ZNF426: variants seen among roughly 807,000 people sequenced by gnomAD.
ZNF426 encodes zinc finger protein 426.
In ZNF426, 23 loss-of-function variants were observed where a neutral mutation model predicts 24.0. That is an observed-to-expected ratio of 0.96 (90% CI 0.69 to 1.36). The LOEUF is 1.36. Ranked by LOEUF, ZNF426 falls within the 40% of genes most tolerant of loss-of-function variation. The pLI, the probability that ZNF426 is intolerant of heterozygous loss-of-function variation, is 0.00. For synonymous variants in ZNF426, 272 were observed against 224.6 expected (o/e 1.21, Z -1.89); for missense variants, 646 against 658.4 (o/e 0.98, Z 0.21).
In ZNF426 at chr19:9,527,235, ATT is replaced by A. The variant is rs2073803544; in HGVS notation, c.*1143_*1144del. 1.3e-5 allele frequency: 2 copies of A among 152,156 alleles called. No individual in the cohort carries two copies. Among genetic ancestry groups the A allele is most frequent in the Non-Finnish European group, 2.9e-5 (2 of 68,024 alleles). 9.4% of individuals were successfully genotyped at this position (152,156 alleles called of 1,614,324 possible). ...ACATGTGTAAAAAAAATTCTGTGGA[ATT>A]AATGTAAGGCTTCCTACATGCATTA... On this transcript the variant is annotated 3_prime_UTR_variant, in exon 8 of 8. Coordinates refer to ENST00000253115, the MANE Select transcript of ZNF426 (RefSeq NM_024106.3).
intron 6 of ZNF426, among the ~76,000 whole-genome samples, chr19:9,531,571 A>C (rs2073884275): frequency 6.6e-6 from 1 of 152,214 alleles, no homozygotes; most frequent in African/African-American, 2.4e-5. Context: ...AGACAAGGAC[A>C]TGGGGTAAAA....
intron 2 of ZNF426, among the ~76,000 whole-genome samples, chr19:9,536,917 G>A (rs2073974534): frequency 6.6e-6 from 1 of 152,120 alleles, no homozygotes. Flanking sequence ...AGAAGATCAT[G>A]AGGTCAGGAG....
At position 9,526,894 on chromosome 19, in the gene ZNF426, C is replaced by G. The variant is rs1019140358; in HGVS notation, c.*1486G>C. ...TATAAGAATTACATCCAACTTTGAG[C>G]ATAGAAGGAAGAAGTGAAGGTAAAA... On this transcript the variant is annotated 3_prime_UTR_variant, in exon 8 of 8. Transcript: ENST00000253115. The G allele has an allele frequency of 2.0e-5, 3 of 151,956 alleles. No homozygotes were observed. Among genetic ancestry groups the G allele is most frequent in the African/African-American group, 7.3e-5 (3 of 41,346 alleles). The allele number at this position is 151,956 out of a possible 1,614,324, so 9.4% of individuals were successfully genotyped here.
Position 9,536,209 on chromosome 19 carries a change from A to G in ZNF426, c.24T>C (p.His8=). The G allele has an allele frequency of 6.2e-7, 1 of 1,614,184 alleles. No homozygotes were observed. Among genetic ancestry groups the G allele is most frequent in the Non-Finnish European group, 8.5e-7 (1 of 1,180,040 alleles). MAAADLS[H]GHYLSGDPVC... is the part of the protein sequence containing the mutation. ...CCTAAAAAGAGCAACAGAGCTTACCATGGGACAAATCAGCAGCTGCCATCC... is the reference window on the plus strand; with the variant it reads ...CCTAAAAAGAGCAACAGAGCTTACCGTGGGACAAATCAGCAGCTGCCATCC... Residue 8 remains histidine (H), a splice_region_variant and synonymous_variant, in exon 3 of 8, where the codon CAT becomes CAC. Coordinates refer to ENST00000253115, the MANE Select transcript of ZNF426 (RefSeq NM_024106.3).
intron 7 of ZNF426, 60 bp from the exon 8 acceptor site, chr19:9,529,696 C>A: frequency 1.4e-6 from 2 of 1,463,448 alleles, no homozygotes; most frequent in South Asian, 2.7e-5. Context: ...AGAACATACC[C>A]ATCTGAAGCT....
In ZNF426 at chr19:9,529,502, T is replaced by C. The variant is rs779658333; in HGVS notation, c.543A>G (p.Lys181=). 2 of 1,613,652 alleles carry C rather than the reference T, an allele frequency of 1.2e-6. No individual in the cohort carries two copies. The highest frequency in any genetic ancestry group is 8.5e-7 in the Non-Finnish European group (1 of 1,180,030). The part of the protein sequence containing the change: ...GNTHDCNQYG[K]DFLTLCEKTS... ...TTTTCTCACACAGGGTAAGGAAATC[T>C]TTTCCATACTGATTACAGTCATGAG... Residue 181 remains lysine, a synonymous_variant, in exon 8 of 8, where the codon AAA becomes AAG. Transcript: ENST00000253115.
chr19:9,537,091 C>T (rs1317685386), intron 2 of ZNF426, among the ~76,000 whole-genome samples: 1 of 151,770 alleles, frequency 6.6e-6, no homozygotes, highest in Non-Finnish European at 1.5e-5. Context: ...GATCACACCA[C>T]TGCACTCCAG....
intron 5 of ZNF426, 46 bp downstream of exon 5, chr19:9,533,794 A>C: frequency 1.2e-6 from 2 of 1,611,576 alleles, no homozygotes; most frequent in Non-Finnish European, 1.7e-6. Context: ...TAAGTACAAA[A>C]CATATCAGTT....
intron 3 of ZNF426, 105 bp downstream of exon 3, chr19:9,536,103 C>T: frequency 6.7e-7 from 1 of 1,497,190 alleles, no homozygotes; most frequent in Non-Finnish European, 9.2e-7. Context: ...CCCTCAGCAC[C>T]TCCCAAATGA....
chr19:9,528,520 A>C lies in ZNF426; in HGVS notation c.1525T>G (p.Cys509Gly), dbSNP rs1274871155. ...CTGGAACACGTGAAGGCTTTCCCAC[A>C]CTCCTTGCATTCATAGGGTTTCTCT... ...TGEKPYECKE[C>G]GKAFTCSSSF... The change falls in exon 8 of 8, where the codon TGT becomes GGT. Residue 509 changes from cysteine to glycine, a missense_variant. By Grantham distance (159) the Cys-to-Gly change is radical (BLOSUM62 -3). Coordinates refer to ENST00000253115, the MANE Select transcript of ZNF426 (RefSeq NM_024106.3). The C allele has an allele frequency of 1.9e-6, 3 of 1,613,936 alleles. No individual in the cohort carries two copies. The highest frequency in any genetic ancestry group is 1.7e-5 in the Admixed American group (1 of 59,996).
intron 2 of ZNF426, among the ~76,000 whole-genome samples, chr19:9,537,129 C>CAAA (rs546953266): frequency 7.3e-6 from 1 of 136,056 alleles, no homozygotes; most frequent in East Asian, 2.0e-4. Flanking sequence ...GACTCTGTCT[C>CAAA]AAAAAAAAAA....
rs150533271 is a variant in ZNF426 at position 9,528,249 on chromosome 19, A to G, written c.*131T>C. ...GTGATCCACCCACCTCAGCCTCTCA[A>G]AATGCTGGGATTACAGGAATTAAGT... On this transcript the variant is annotated 3_prime_UTR_variant, in exon 8 of 8. Coordinates refer to ENST00000253115, the MANE Select transcript of ZNF426 (RefSeq NM_024106.3). The G allele has an allele frequency of 1.4e-4, 144 of 1,005,036 alleles. No homozygotes were observed. The African/African-American group carries it at 1.9e-3, about 13-fold the overall frequency. 62.3% of individuals were successfully genotyped at this position (1,005,036 alleles called of 1,614,324 possible).
rs2073794679 is a variant in ZNF426 at position 9,526,641 on chromosome 19, A to T, written c.*1739T>A. On this transcript the variant is annotated 3_prime_UTR_variant, in exon 8 of 8. Transcript: ENST00000253115. ...CTACAAAAGATGTATCCTACATATAAAGGAAATACCAGATGGAAAGAAAAA... is the reference window on the plus strand; with the variant it reads ...CTACAAAAGATGTATCCTACATATATAGGAAATACCAGATGGAAAGAAAAA... 1 of 152,208 alleles carries T rather than the reference A, an allele frequency of 6.6e-6. No homozygotes were observed. The highest frequency in any genetic ancestry group is 1.5e-5 in the Non-Finnish European group (1 of 68,052). The allele number at this position is 152,208 out of a possible 1,614,324, so 9.4% of individuals were successfully genotyped here. A position where few individuals can be genotyped will look rare whatever the true frequency, so the allele number is the denominator to read the frequency against.
chr19:9,533,978 C>T lies in ZNF426; in HGVS notation c.118-12G>A. On this transcript the variant is annotated splice_polypyrimidine_tract_variant and intron_variant, in intron 4 of 7. Coordinates refer to ENST00000253115, the MANE Select transcript of ZNF426 (RefSeq NM_024106.3). The stretch of plus-strand genomic sequence containing the variant: ...AAGGTCACTGAATCCTAAAGCATCA[C>T]ACACATGCTGGTTGGAGCCAAGTAA... 1 of 1,611,498 alleles carries T rather than the reference C, an allele frequency of 6.2e-7. No individual in the cohort carries two copies. Among genetic ancestry groups the T allele is most frequent in the Non-Finnish European group, 8.5e-7 (1 of 1,179,026 alleles).
chr19:9,523,706 TAAG>T lies in ZNF426; in HGVS notation c.*4671_*4673del, dbSNP rs1231772361. ...CAGATCATCAGGCATTAGATTCTCA[TAAG>T]GAGTGTGCAACCTAGATCCCTTGCA... On this transcript the variant is annotated 3_prime_UTR_variant, in exon 8 of 8. Transcript: ENST00000253115. 6.6e-6 allele frequency: 1 copy of T among 152,210 alleles called. No homozygotes were observed. Among genetic ancestry groups the T allele is most frequent in the Non-Finnish European group, 1.5e-5 (1 of 68,036 alleles). The allele number at this position is 152,210 out of a possible 1,614,324, so 9.4% of individuals were successfully genotyped here.
At chr19:9,533,665 T>C (rs1276174723) in intron 5 of ZNF426, among the ~76,000 whole-genome samples, 175 bp downstream of exon 5, 1 of 152,218 alleles carries the variant, frequency 6.6e-6, no homozygotes, top group Non-Finnish European at 1.5e-5. Flanking sequence ...GTGTTGCTAT[T>C]AATCTTGGAC....
At chr19:9,530,881 A>T in intron 7 of ZNF426, 104 bp downstream of exon 7, 1 of 890,350 alleles carries the variant, frequency 1.1e-6, no homozygotes, top group Non-Finnish European at 1.8e-6. Flanking sequence ...TCTCATGTGT[A>T]TGCAACTTCT....
At chr19:9,537,920 T>C (rs12462819) in intron 2 of ZNF426, among the ~76,000 whole-genome samples, 2 of 152,180 alleles carry the variant, frequency 1.3e-5, no homozygotes, top group African/African-American at 2.4e-5. Flanking sequence ...TTGATTATTG[T>C]GATACTAGAA....
rs543320119 is a variant in ZNF426, at chr19:9,527,434, T to C, written c.*946A>G. On this transcript the variant is annotated 3_prime_UTR_variant, in exon 8 of 8. Transcript: ENST00000253115. ...GTAAAAGAAACTTTCTTTCCTTTTT[T>C]CTCCTCTATTTTCACATGGTCTACG... The C allele has an allele frequency of 1.4e-4, 21 of 152,380 alleles. No individual in the cohort carries two copies. Among genetic ancestry groups the C allele is most frequent in the African/African-American group, 5.0e-4 (21 of 41,586 alleles). The allele number at this position is 152,380 out of a possible 1,614,324, so 9.4% of individuals were successfully genotyped here.
Sources: allele counts gnomAD v4.1 joint callset (sites outside exome capture counted in the v4.1 genomes callset), GRCh38; gene constraint gnomAD v4.1.1; transcripts MANE v1.5; gene names NCBI Gene and HGNC (gene_info 2026-07-23, HGNC 2026-07-21).